The following PCDHGB5 variants were observed in gnomAD, a reference collection of about 807,000 sequenced individuals.
PCDHGB5 encodes the protein protocadherin gamma subfamily B, 5.
In PCDHGB5, 48 loss-of-function variants were observed where a neutral mutation model predicts 62.9. The observed-to-expected ratio is 0.76, with a 90% CI of 0.61 to 0.97. The LOEUF is 0.97. Among genes scored for constraint, PCDHGB5 ranks in the 50% least tolerant of loss-of-function variants. PCDHGB5 has a pLI of 0.00. For synonymous variants in PCDHGB5, 474 were observed against 511.2 expected (o/e 0.93, Z 0.98); for missense variants, 1,118 against 1,198.6 (o/e 0.93, Z 0.99).
rs1175280816 is a variant in PCDHGB5 at position 141,511,121 on chromosome 5, C to T, written c.2720C>T (p.Pro907Leu). 2 of 1,614,102 alleles carry T rather than the reference C, an allele frequency of 1.2e-6. No homozygotes were observed. Among genetic ancestry groups the T allele is most frequent in the African/African-American group, 1.3e-5 (1 of 74,938 alleles). Residue 907 changes from proline (P) to leucine (L), a missense_variant, in exon 4 of 4, where the codon CCA becomes CTA. This residue lies in a region of PCDHGB5 where 1,034 missense variants were observed against 1,029.1 expected (regional missense o/e 1.00). Transcript: ENST00000617380. ...GCTGGCAAGCGGGATGGCAAGGCCCCAGCAGGTGGCAATGGCAACAAGAAG... is the reference window on the plus strand; with the variant it reads ...GCTGGCAAGCGGGATGGCAAGGCCCTAGCAGGTGGCAATGGCAACAAGAAG... ...NAAGKRDGKA[P>L]AGGNGNKKKS...
intron 1 of PCDHGB5, chr5:141,478,675 G>A (rs1264846161): frequency 6.4e-7 from 1 of 1,551,574 alleles, no homozygotes; most frequent in South Asian, 1.2e-5. Context: ...ACTTTCAACT[G>A]GCCCTTCCTA....
chr5:141,501,290 T>TACACAC lies in PCDHGB5; in HGVS notation c.2457-4064_2457-4059dup, dbSNP rs55762287. Among the ~76,000 whole-genome samples the TACACAC allele has an allele frequency of 5.7e-3, 774 of 136,224 alleles. 5 individuals are homozygous for TACACAC. The highest frequency in any genetic ancestry group is 9.9e-3 in the African/African-American group (361 of 36,504). The allele number at this position is 136,224 out of a possible 152,430, so 89.4% of individuals were successfully genotyped here. A position where few individuals can be genotyped will look rare whatever the true frequency, so the allele number is the denominator to read the frequency against. ...GTCCAGTCTATGGGATATTCCCTTA[T>TACACAC]ACACACACACACACACACACACACA... On this transcript the variant is annotated intron_variant, in intron 2 of 3. Transcript: ENST00000617380.
chr5:141,490,051 G>A lies in PCDHGB5; in HGVS notation c.2398-4756G>A, dbSNP rs779280988. The A allele has an allele frequency of 6.2e-6, 10 of 1,614,094 alleles. No homozygotes were observed. Among genetic ancestry groups the A allele is most frequent in the Admixed American group, 5.0e-5 (3 of 60,012 alleles). ...CCGCCTCAATGCCACTGATCCAGAC[G>A]AGGGCACCAACGGCCAACTAGACTA... On this transcript the variant is annotated intron_variant, in intron 1 of 3. Coordinates refer to ENST00000617380, the MANE Select transcript of PCDHGB5 (RefSeq NM_018925.3). The surrounding 1 kb of genome is among the most constrained non-coding windows in gnomAD (Gnocchi z 5.4).
At chr5:141,454,123 C>CT (rs1273558932) in intron 1 of PCDHGB5, among the ~76,000 whole-genome samples, 5 of 152,194 alleles carry the variant, frequency 3.3e-5, no homozygotes, top group Non-Finnish European at 7.3e-5. Flanking sequence ...GAAGAAATAG[C>CT]TGACCATGGG....
intron 2 of PCDHGB5, among the ~76,000 whole-genome samples, chr5:141,495,678 C>T (rs1340336428): frequency 6.6e-6 from 1 of 152,180 alleles, no homozygotes; most frequent in African/African-American, 2.4e-5. Context: ...CTGTGCCTGC[C>T]ATGGCATAAG....
intron 1 of PCDHGB5, chr5:141,478,899 T>A (rs905349011): frequency 9.7e-7 from 1 of 1,027,124 alleles, no homozygotes; most frequent in African/African-American, 1.6e-5. Context: ...ACATTAGGAA[T>A]AAGCTGCTGG....
Position 141,487,856 on chromosome 5 carries a change from T to C in PCDHGB5, c.2398-6951T>C. The C allele has an allele frequency of 2.0e-6, 2 of 977,364 alleles. No homozygotes were observed. The highest frequency in any genetic ancestry group is 3.0e-6 in the Non-Finnish European group (2 of 671,858). 60.5% of individuals were successfully genotyped at this position (977,364 alleles called of 1,614,324 possible). A position where few individuals can be genotyped will look rare whatever the true frequency, so the allele number is the denominator to read the frequency against. Reference sequence around the variant, plus strand: ...ATATCTGAGTAAGAAATGAAAGTAATTGGTGATCAAGAGCCAGGCTGTTGT... The same window carrying C: ...ATATCTGAGTAAGAAATGAAAGTAACTGGTGATCAAGAGCCAGGCTGTTGT... On this transcript the variant is annotated intron_variant, in intron 1 of 3. Transcript: ENST00000617380. The surrounding 1 kb of genome is among the most constrained non-coding windows in gnomAD (Gnocchi z 5.0).
chr5:141,417,028 GTTT>G, intron 1 of PCDHGB5: 2 of 150,056 alleles, frequency 1.3e-5, no homozygotes, highest in East Asian at 3.9e-4. Flanking sequence ...AAAAATACAG[GTTT>G]TTTTTTTAAA....
chr5:141,508,535 C>A (rs1294413041), intron 3 of PCDHGB5, among the ~76,000 whole-genome samples: 1 of 152,172 alleles, frequency 6.6e-6, no homozygotes, highest in Non-Finnish European at 1.5e-5. Context: ...GGGCACCCCC[C>A]ACGAGGTGGG....
intron 1 of PCDHGB5, among the ~76,000 whole-genome samples, chr5:141,433,809 C>A (rs913637407): frequency 5.3e-5 from 8 of 149,948 alleles, no homozygotes; most frequent in Non-Finnish European, 1.2e-4. Flanking sequence ...TGCACTCCAG[C>A]CTGGGCAACA....
intron 1 of PCDHGB5, among the ~76,000 whole-genome samples, chr5:141,475,750 T>C (rs1158317865): frequency 6.6e-6 from 1 of 152,270 alleles, no homozygotes; most frequent in African/African-American, 2.4e-5. Context: ...AGGTTTCCTA[T>C]GCACCGATAC....
At position 141,477,271 on chromosome 5, in the gene PCDHGB5, G is replaced by T; in HGVS notation, c.2398-17536G>T. On this transcript the variant is annotated intron_variant, in intron 1 of 3. Transcript: ENST00000617380. The surrounding 1 kb of genome is among the most constrained non-coding windows in gnomAD (Gnocchi z 4.9). ...CTGACCTGGATGCTGGCGAGAACGG[G>T]CTGGTGACCTGCGAAGTTCCACCGG... The T allele has an allele frequency of 1.2e-6, 2 of 1,614,212 alleles. No homozygotes were observed. The highest frequency in any genetic ancestry group is 1.7e-6 in the Non-Finnish European group (2 of 1,180,044).
intron 1 of PCDHGB5, among the ~76,000 whole-genome samples, chr5:141,492,148 G>C (rs2099737507): frequency 6.6e-6 from 1 of 152,202 alleles, no homozygotes; most frequent in Admixed American, 6.5e-5. Flanking sequence ...TGACTTCACT[G>C]TTACCCTCCC....
intron 1 of PCDHGB5, chr5:141,410,578 T>A (rs1432039651): frequency 6.2e-7 from 1 of 1,610,984 alleles, no homozygotes; most frequent in African/African-American, 1.3e-5. Context: ...TTCCACCTCA[T>A]GGTGGGGAGG....
At chr5:141,415,688 T>C (rs373105795) in intron 1 of PCDHGB5, 1 of 1,546,006 alleles carries the variant, frequency 6.5e-7, no homozygotes, top group Admixed American at 2.0e-5. Context: ...GGCATGATGG[T>C]GGAAAGTGTA....
At chr5:141,417,532 T>TA (rs1457524771) in intron 1 of PCDHGB5, 17 of 284,868 alleles carry the variant, frequency 6.0e-5, no homozygotes, top group Non-Finnish European at 8.4e-5. Context: ...ACTCGTAGTT[T>TA]AAAAAAAATT....
At chr5:141,498,709 A>G (rs1245852373) in intron 2 of PCDHGB5, among the ~76,000 whole-genome samples, 2 of 152,148 alleles carry the variant, frequency 1.3e-5, no homozygotes, top group African/African-American at 4.8e-5. Context: ...AGGTGGGTGG[A>G]TCACCTGAGG....
rs371619613 is a variant in PCDHGB5 at position 141,444,258 on chromosome 5, G to A, written c.2397+43734G>A. The stretch of plus-strand genomic sequence containing the variant: ...ATGCTCTCGGCTCACTGCAACCTCC[G>A]CCTCCCAGGTTCAAGTGATTCTCCT... On this transcript the variant is annotated intron_variant, in intron 1 of 3. Coordinates refer to ENST00000617380, the MANE Select transcript of PCDHGB5 (RefSeq NM_018925.3). 1.3e-4 allele frequency among the ~76,000 whole-genome samples: 16 copies of A among 127,752 alleles called. No homozygotes were observed. The South Asian group carries it at 2.7e-3, about 21-fold the overall frequency. The allele number at this position is 127,752 out of a possible 152,430, so 83.8% of individuals were successfully genotyped here.
chr5:141,438,627 T>C (rs55817844), intron 1 of PCDHGB5, among the ~76,000 whole-genome samples: 510 of 47,978 alleles, frequency 0.011, 3 homozygotes, highest in Admixed American at 0.017. Context: ...TATATATATA[T>C]ATATATATAC....
Sources: allele counts gnomAD v4.1 joint callset (sites outside exome capture counted in the v4.1 genomes callset), GRCh38; gene constraint gnomAD v4.1.1; regional missense constraint gnomAD v4.1.1; non-coding constraint Gnocchi (gnomAD v3.1); transcripts MANE v1.5; gene names NCBI Gene and HGNC (gene_info 2026-07-23, HGNC 2026-07-21).